The following KPNA3 variants were observed in gnomAD, a reference collection of about 807,000 sequenced individuals.
The protein encoded by KPNA3 is importin subunit alpha-4.
A neutral mutation model predicts 73.8 loss-of-function variants in KPNA3; 13 were observed. The ratio of observed to expected loss-of-function variants is 0.18; its 90% CI spans 0.11 to 0.28. KPNA3 has a LOEUF of 0.28. Ranked by LOEUF, KPNA3 falls within the 10% of genes least tolerant of loss-of-function variation. KPNA3 has a pLI of 1.00. For synonymous variants in KPNA3, 186 were observed against 206.9 expected (o/e 0.90, Z 0.87); for missense variants, 360 against 618.1 (o/e 0.58, Z 4.43).
intron 16 of KPNA3, 76 bp from the exon 17 acceptor site, chr13:49,701,974 CCT>C: frequency 1.1e-6 from 1 of 884,534 alleles, no homozygotes; most frequent in Non-Finnish European, 1.8e-6. Flanking sequence ...TGACTTTTTA[CCT>C]CTTAGCAAAT....
At chr13:49,786,246 T>C (rs542824678) in intron 1 of KPNA3, among the ~76,000 whole-genome samples, 7 of 152,316 alleles carry the variant, frequency 4.6e-5, no homozygotes, top group Admixed American at 3.9e-4. Flanking sequence ...TATCATCTAG[T>C]CTCTCTTCTC....
chr13:49,755,357 GA>G (rs113750872), intron 1 of KPNA3, among the ~76,000 whole-genome samples: 4,320 of 152,266 alleles, frequency 0.028, 212 homozygotes, highest in African/African-American at 0.098. Flanking sequence ...TTCTAGTGGT[GA>G]AAAGTCTGAA....
chr13:49,770,316 C>T (rs2137592841), intron 1 of KPNA3, among the ~76,000 whole-genome samples: 1 of 150,838 alleles, frequency 6.6e-6, no homozygotes, highest in Admixed American at 6.6e-5. Context: ...GCTTGGACTA[C>T]AGATGTGCAC....
intron 15 of KPNA3, 146 bp from the exon 16 acceptor site, chr13:49,702,626 G>C: frequency 2.0e-6 from 1 of 499,340 alleles, no homozygotes; most frequent in Non-Finnish European, 3.5e-6. Context: ...CTAAAAAACA[G>C]ACAAAACACG....
intron 1 of KPNA3, among the ~76,000 whole-genome samples, chr13:49,750,419 G>A (rs902705157): frequency 7.9e-5 from 12 of 152,048 alleles, no homozygotes; most frequent in Non-Finnish European, 1.6e-4. Flanking sequence ...TTCGGAGGTC[G>A]AGGCGGGAGG....
chr13:49,788,063 G>T (rs1954999798), intron 1 of KPNA3, among the ~76,000 whole-genome samples: 2 of 152,150 alleles, frequency 1.3e-5, no homozygotes. Flanking sequence ...CTTACTTAAG[G>T]GTTGTAGGCC....
At chr13:49,733,396 C>G (rs1012629129) in intron 2 of KPNA3, among the ~76,000 whole-genome samples, 1 of 146,488 alleles carries the variant, frequency 6.8e-6, no homozygotes, top group Non-Finnish European at 1.5e-5. Flanking sequence ...TCAGGTGATT[C>G]TCGTGCCTCA....
At position 49,751,320 on chromosome 13, in the gene KPNA3, C is replaced by T. The variant is rs1197107467; in HGVS notation, c.70-4327G>A. 2.6e-5 allele frequency among the ~76,000 whole-genome samples: 4 copies of T among 152,134 alleles called. No individual in the cohort carries two copies. The East Asian group carries it at 5.8e-4, about 22-fold the overall frequency. The stretch of plus-strand genomic sequence containing the variant: ...CTATCCCTGTCTACTCACTTTCAAT[C>T]CTCTGAAATCAAACAAGTCAACCAG... On this transcript the variant is annotated intron_variant, in intron 1 of 16. Transcript: ENST00000261667.
chr13:49,758,287 A>G (rs1954728780), intron 1 of KPNA3, among the ~76,000 whole-genome samples: 1 of 152,230 alleles, frequency 6.6e-6, no homozygotes, highest in South Asian at 2.1e-4. Flanking sequence ...GCGTATGAAT[A>G]TGACAAAATC....
chr13:49,754,587 AAGT>A (rs1954694187), intron 1 of KPNA3, among the ~76,000 whole-genome samples: 1 of 150,040 alleles, frequency 6.7e-6, no homozygotes, highest in Non-Finnish European at 1.5e-5. Flanking sequence ...TGAAAACAAA[AAGT>A]AGAGAAAATT....
At chr13:49,758,155 G>C (rs989165955) in intron 1 of KPNA3, among the ~76,000 whole-genome samples, 3 of 152,002 alleles carry the variant, frequency 2.0e-5, no homozygotes, top group African/African-American at 4.8e-5. Flanking sequence ...CCACAAACTA[G>C]AGGCCAAAAG....
intron 15 of KPNA3, among the ~76,000 whole-genome samples, chr13:49,704,437 ATAAAT>A (rs1566330826): frequency 0.082 from 379 of 4,602 alleles, 1 homozygote; most frequent in Middle Eastern, 0.5. Context: ...TAAATAAAAA[ATAAAT>A]AAATAAATAA....
At chr13:49,759,912 AAC>A (rs1240278613) in intron 1 of KPNA3, among the ~76,000 whole-genome samples, 1 of 141,230 alleles carries the variant, frequency 7.1e-6, no homozygotes, top group Non-Finnish European at 1.6e-5. Flanking sequence ...CCTAGTAAAT[AAC>A]AGACTTAGAC....
Position 49,706,381 on chromosome 13 carries a change from G to A in KPNA3, c.1033-9C>T. ...AGGAACCACACTGCTTCCTATAATT[G>A]AACAAAATATAGGGCACCTTTATTT... On this transcript the variant is annotated splice_polypyrimidine_tract_variant and intron_variant, in intron 12 of 16. Coordinates refer to ENST00000261667, the MANE Select transcript of KPNA3 (RefSeq NM_002267.4). 3.8e-6 allele frequency: 6 copies of A among 1,592,040 alleles called. No homozygotes were observed. Among genetic ancestry groups the A allele is most frequent in the South Asian group, 1.1e-5 (1 of 90,138 alleles).
At chr13:49,741,786 T>C (rs1188273098) in intron 2 of KPNA3, among the ~76,000 whole-genome samples, 1 of 152,244 alleles carries the variant, frequency 6.6e-6, no homozygotes, top group East Asian at 1.9e-4. Context: ...GTTTTCTTGC[T>C]ATTGAGTTCA....
At chr13:49,785,688 A>G (rs1203589147) in intron 1 of KPNA3, among the ~76,000 whole-genome samples, 1 of 152,188 alleles carries the variant, frequency 6.6e-6, no homozygotes, top group African/African-American at 2.4e-5. Context: ...AAGACTTACC[A>G]AAGCTGACTG....
At chr13:49,725,847 G>A (rs1429868430) in intron 6 of KPNA3, among the ~76,000 whole-genome samples, 1 of 151,968 alleles carries the variant, frequency 6.6e-6, no homozygotes, top group Non-Finnish European at 1.5e-5. Flanking sequence ...TCACTATGTT[G>A]GCCAGGCTGG....
intron 1 of KPNA3, among the ~76,000 whole-genome samples, chr13:49,791,825 G>A (rs1349134695): frequency 6.6e-6 from 1 of 152,182 alleles, no homozygotes; most frequent in Admixed American, 6.5e-5. Flanking sequence ...GTCCAAAGAC[G>A]AGCACTGGAA....
At chr13:49,723,742 T>G (rs1045113993) in intron 7 of KPNA3, among the ~76,000 whole-genome samples, 1 of 150,258 alleles carries the variant, frequency 6.7e-6, no homozygotes, top group Admixed American at 6.7e-5. Context: ...TGGTGGTGTG[T>G]GCCTGTAGTC....
Sources: allele counts gnomAD v4.1 joint callset (sites outside exome capture counted in the v4.1 genomes callset), GRCh38; gene constraint gnomAD v4.1.1; transcripts MANE v1.5; gene names NCBI Gene and HGNC (gene_info 2026-07-23, HGNC 2026-07-21).